Variants in ABCC1 observed in about 807,000 individuals in gnomAD.
ABCC1 encodes the protein multidrug resistance-associated protein 1.
A neutral mutation model predicts 172.9 loss-of-function variants in ABCC1; 83 were observed. That is an observed-to-expected ratio of 0.48 (90% CI 0.40 to 0.58). The LOEUF is 0.58. Ranked by LOEUF, ABCC1 falls within the 20% of genes least tolerant of loss-of-function variation. ABCC1 has a pLI of 0.00. For missense variants in ABCC1, 1,817 were observed against 2,002.7 expected, an observed-to-expected ratio of 0.91 and a Z score of 1.77; for synonymous variants, 937 against 825.2, an observed-to-expected ratio of 1.14 and a Z score of -2.32.
intron 1 of ABCC1, among the ~76,000 whole-genome samples, chr16:15,976,704 G>A (rs544445584): frequency 1.3e-5 from 2 of 152,272 alleles, no homozygotes; most frequent in South Asian, 4.1e-4. Context: ...CAGTGATGAT[G>A]ACAATAGCCA....
At chr16:15,985,006 G>C (rs1195323920) in intron 1 of ABCC1, among the ~76,000 whole-genome samples, 1 of 152,116 alleles carries the variant, frequency 6.6e-6, no homozygotes, top group African/African-American at 2.4e-5. Context: ...GGAAGGCTGA[G>C]GTGGGAGGAT....
chr16:16,035,812 A>C (rs1408420129), intron 6 of ABCC1, among the ~76,000 whole-genome samples: 2 of 151,444 alleles, frequency 1.3e-5, no homozygotes, highest in East Asian at 3.9e-4. Flanking sequence ...GCCTTTTTTA[A>C]TTTAAAATTT....
intron 5 of ABCC1, among the ~76,000 whole-genome samples, chr16:16,021,974 A>G (rs963771006): frequency 6.6e-6 from 1 of 152,078 alleles, no homozygotes. Context: ...GAGGAGGACA[A>G]CGGGACAACC....
At chr16:15,967,777 A>C (rs76435005) in intron 1 of ABCC1, among the ~76,000 whole-genome samples, 1,199 of 104,684 alleles carry the variant, frequency 0.011, 26 homozygotes, top group African/African-American at 0.036. Context: ...AAAAAACAAC[A>C]AAAAAAAAAC....
Position 16,073,495 on chromosome 16 carries a change from G to A in ABCC1, c.1912+1766G>A, listed in dbSNP as rs528606243. 1.0e-3 allele frequency among the ~76,000 whole-genome samples: 157 copies of A among 152,324 alleles called. 1 individual carries two copies. Among genetic ancestry groups the A allele is most frequent in the African/African-American group, 3.6e-3 (149 of 41,568 alleles). ...AGTGAGGCACAGGCTGGGTGCAGTG[G>A]CTCCTACCTATAATCCTAGTACTTT... On this transcript the variant is annotated intron_variant, in intron 14 of 30. Coordinates refer to ENST00000399410, the MANE Select transcript of ABCC1 (RefSeq NM_004996.4).
chr16:16,121,846 C>A, intron 23 of ABCC1, 129 bp from the exon 24 acceptor site: 2 of 900,846 alleles, frequency 2.2e-6, no homozygotes, highest in Non-Finnish European at 3.4e-6. Context: ...CCTGTGAGGG[C>A]AGCCCGGCTC....
chr16:16,043,794 GT>G (rs2049086231), intron 7 of ABCC1, among the ~76,000 whole-genome samples: 1 of 151,530 alleles, frequency 6.6e-6, no homozygotes, highest in African/African-American at 2.4e-5. Context: ...TAGAGATGGG[GT>G]TTCACTATGT....
At chr16:16,141,064 A>G in intron 30 of ABCC1, 109 bp from the exon 31 acceptor site, 1 of 846,216 alleles carries the variant, frequency 1.2e-6, no homozygotes, top group Non-Finnish European at 1.9e-6. Flanking sequence ...CCTAGCAAAA[A>G]GTGTTAGGGG....
intron 20 of ABCC1, among the ~76,000 whole-genome samples, chr16:16,103,142 G>A (rs982820486): frequency 2.6e-5 from 4 of 152,106 alleles, no homozygotes; most frequent in African/African-American, 9.7e-5. Flanking sequence ...TTGAGGCCAG[G>A]AGTTTGAGAC....
chr16:16,049,115 C>T (rs1334561087), intron 10 of ABCC1, among the ~76,000 whole-genome samples: 1 of 152,166 alleles, frequency 6.6e-6, no homozygotes, highest in African/African-American at 2.4e-5. Flanking sequence ...CTCAGTTTCA[C>T]CCACTGCCCT....
chr16:15,991,397 C>G lies in ABCC1; in HGVS notation c.49-16419C>G, dbSNP rs192047804. ...AGCGCCACTCCAGACCCCTTTCATT[C>G]TTGCAATATACATGAAAAGTACAGG... On this transcript the variant is annotated intron_variant, in intron 1 of 30. Coordinates refer to ENST00000399410, the MANE Select transcript of ABCC1 (RefSeq NM_004996.4). 3.3e-5 allele frequency among the ~76,000 whole-genome samples: 5 copies of G among 152,196 alleles called. No individual in the cohort carries two copies. The East Asian group carries it at 9.7e-4, about 29-fold the overall frequency.
chr16:16,063,642 T>TAAAA (rs2151938422), intron 12 of ABCC1, among the ~76,000 whole-genome samples: 1 of 152,286 alleles, frequency 6.6e-6, no homozygotes, highest in Non-Finnish European at 1.5e-5. Flanking sequence ...AAAAGACTTT[T>TAAAA]AAGCATGAAT....
At chr16:16,136,016 T>C (rs1211152185) in intron 28 of ABCC1, among the ~76,000 whole-genome samples, 1 of 105,174 alleles carries the variant, frequency 9.5e-6, no homozygotes, top group Non-Finnish European at 2.2e-5. Flanking sequence ...TTCCAGACTT[T>C]TTTTTTTTTT....
chr16:15,965,042 C>T (rs2046213788), intron 1 of ABCC1, among the ~76,000 whole-genome samples: 2 of 152,060 alleles, frequency 1.3e-5, no homozygotes, highest in Admixed American at 6.6e-5. Context: ...CTATTGTTTT[C>T]CTATTGGCAT....
rs1457454765 is a variant in ABCC1, at chr16:16,071,639, C to T, written c.1825-3C>T. 17 of 1,613,626 alleles carry T rather than the reference C, an allele frequency of 1.1e-5. No homozygotes were observed. The highest frequency in any genetic ancestry group is 3.3e-4 in the Middle Eastern group (2 of 6,060). Reference sequence around the variant, plus strand: ...CTCTCCCCTGCCATTGCTCTCTGTACAGGCGAGTGTCTCCCTCAAACGCCT... The same window carrying T: ...CTCTCCCCTGCCATTGCTCTCTGTATAGGCGAGTGTCTCCCTCAAACGCCT... On this transcript the variant is annotated splice_region_variant and splice_polypyrimidine_tract_variant and intron_variant, in intron 13 of 30. Transcript: ENST00000399410.
At chr16:15,951,509 G>T (rs537491928) in intron 1 of ABCC1, among the ~76,000 whole-genome samples, 2 of 152,154 alleles carry the variant, frequency 1.3e-5, no homozygotes, top group South Asian at 2.1e-4. Flanking sequence ...CTCTGCCTCT[G>T]GTAGGTACCC....
intron 1 of ABCC1, among the ~76,000 whole-genome samples, chr16:15,972,287 C>T (rs1387123423): frequency 1.3e-5 from 2 of 152,166 alleles, no homozygotes; most frequent in Non-Finnish European, 2.9e-5. Context: ...CTATCTCTTA[C>T]CTTGTATCTG....
At chr16:16,078,824 T>A (rs984486013) in intron 15 of ABCC1, among the ~76,000 whole-genome samples, 2 of 152,130 alleles carry the variant, frequency 1.3e-5, no homozygotes, top group African/African-American at 2.4e-5. Context: ...CCACAGGCCC[T>A]GCCACCACCA....
At chr16:15,951,392 T>A (rs1040032739) in intron 1 of ABCC1, among the ~76,000 whole-genome samples, 86 of 152,208 alleles carry the variant, frequency 5.7e-4, no homozygotes, top group Non-Finnish European at 1.1e-3. Context: ...TAATATTTTT[T>A]AAAATTTTTA....
Sources: gnomAD v4.1 joint callset for allele counts (sites outside exome capture counted in the v4.1 genomes callset) on GRCh38, gnomAD v4.1.1 for gene constraint, MANE v1.5 for transcripts, NCBI Gene and HGNC (gene_info 2026-07-23, HGNC 2026-07-21) for gene names.